Variants in TRABD2B observed in about 807,000 individuals in gnomAD.
The protein encoded by TRABD2B is metalloprotease TIKI2.
Under a neutral mutation model 40.1 loss-of-function variants are expected in TRABD2B, and 14 were observed. That is an observed-to-expected ratio of 0.35 (90% CI 0.23 to 0.55). The LOEUF is 0.55. Among genes scored for constraint, TRABD2B ranks in the 20% least tolerant of loss-of-function variants. The probability of loss-of-function intolerance (pLI) is 0.90; values close to 1 mark genes in which losing one functional copy is unlikely to be tolerated. For synonymous variants in TRABD2B, 263 were observed against 277.0 expected (o/e 0.95, Z 0.50); for missense variants, 541 against 648.6 (o/e 0.83, Z 1.80).
intron 2 of TRABD2B, among the ~76,000 whole-genome samples, chr1:47,993,512 AGC>A (rs1646043208): frequency 6.6e-6 from 1 of 152,126 alleles, no homozygotes; most frequent in African/African-American, 2.4e-5. Flanking sequence ...CTTTGCACAG[AGC>A]CGGGAAACTG....
intron 2 of TRABD2B, among the ~76,000 whole-genome samples, chr1:47,911,082 C>T (rs367791964): frequency 1.3e-5 from 2 of 152,174 alleles, no homozygotes; most frequent in Non-Finnish European, 2.9e-5. Context: ...TGGAGCAGAG[C>T]GCCAGCCCCA....
chr1:47,957,377 G>A (rs1645439951), intron 2 of TRABD2B, among the ~76,000 whole-genome samples: 1 of 152,224 alleles, frequency 6.6e-6, no homozygotes, highest in South Asian at 2.1e-4. Context: ...CGAGTTGAGA[G>A]AAGAAGGTGT....
intron 2 of TRABD2B, among the ~76,000 whole-genome samples, chr1:47,890,525 GGTGACCAGGCA>G (rs1483541894): frequency 6.6e-6 from 1 of 152,098 alleles, no homozygotes; most frequent in Non-Finnish European, 1.5e-5. Context: ...TGTTCTACAG[GGTGACCAGGCA>G]GTGAAAGAGC....
chr1:47,900,494 G>C (rs915760187), intron 2 of TRABD2B, among the ~76,000 whole-genome samples: 1 of 152,156 alleles, frequency 6.6e-6, no homozygotes, highest in Admixed American at 6.5e-5. Flanking sequence ...ACACTGAAGA[G>C]TTTCAGTCAT....
chr1:47,890,500 C>A (rs1304597373), intron 2 of TRABD2B, among the ~76,000 whole-genome samples: 1 of 152,168 alleles, frequency 6.6e-6, no homozygotes, highest in Non-Finnish European at 1.5e-5. Flanking sequence ...GATGCTGCAA[C>A]TTCCTGGGCA....
At chr1:47,862,397 A>G (rs980713388) in intron 2 of TRABD2B, among the ~76,000 whole-genome samples, 2 of 152,342 alleles carry the variant, frequency 1.3e-5, no homozygotes, top group African/African-American at 4.8e-5. Context: ...TTTGCAGGAT[A>G]CAAGATTAAT....
Position 47,801,524 on chromosome 1 carries a change from GT to G in TRABD2B, c.761del (p.His254ProfsTer33). 6.5e-7 allele frequency: 1 copy of G among 1,536,134 alleles called. No homozygotes were observed. The highest frequency in any genetic ancestry group is 1.2e-5 in the South Asian group (1 of 84,066). On this transcript the variant is annotated frameshift_variant, in exon 3 of 7. Coordinates refer to ENST00000606738, the MANE Select transcript of TRABD2B (RefSeq NM_001194986.2). LOFTEE classifies it high-confidence loss of function. Reference protein sequence around the residue: ...ASYTTEDLIKHYNCGDLSAVI... With the variant: ...ASYTTEDLIKXYNCGDLSAVI... ...CTGCGCTGAGGTCTCCGCAGTTGTA[GT>G]GCTTGATGAGGTCCTCCGTGGTGTA...
At chr1:47,864,703 C>A (rs1644029648) in intron 2 of TRABD2B, among the ~76,000 whole-genome samples, 1 of 152,124 alleles carries the variant, frequency 6.6e-6, no homozygotes, top group South Asian at 2.1e-4. Flanking sequence ...TCCAAATCCA[C>A]ATGGCTGCCT....
At chr1:47,853,216 A>C (rs1329986547) in intron 2 of TRABD2B, among the ~76,000 whole-genome samples, 1 of 152,164 alleles carries the variant, frequency 6.6e-6, no homozygotes, top group Admixed American at 6.5e-5. Context: ...GAGCAAACAC[A>C]TATCCCTGGG....
chr1:47,927,942 A>G (rs1222045732), intron 2 of TRABD2B, among the ~76,000 whole-genome samples: 6 of 152,248 alleles, frequency 3.9e-5, no homozygotes, highest in Admixed American at 2.6e-4. Flanking sequence ...CTTCGTATTC[A>G]AAGTGCAGTC....
chr1:47,953,227 A>C (rs1645371678), intron 2 of TRABD2B, among the ~76,000 whole-genome samples: 1 of 152,198 alleles, frequency 6.6e-6, no homozygotes, highest in Non-Finnish European at 1.5e-5. Context: ...TGATGCACAG[A>C]GGGGTGTGGG....
chr1:47,975,252 G>C (rs1645739620), intron 2 of TRABD2B, among the ~76,000 whole-genome samples: 1 of 152,204 alleles, frequency 6.6e-6, no homozygotes, highest in Non-Finnish European at 1.5e-5. Flanking sequence ...GGAGCTCTCT[G>C]TACTATCTTC....
chr1:47,824,040 G>A (rs1267346634), intron 2 of TRABD2B, among the ~76,000 whole-genome samples: 2 of 152,130 alleles, frequency 1.3e-5, no homozygotes, highest in Non-Finnish European at 2.9e-5. Flanking sequence ...AGGCCTGATC[G>A]CTGTCACTGG....
At chr1:47,775,035 G>A (rs1044270087) in intron 6 of TRABD2B, 135 bp downstream of exon 6, 1 of 844,686 alleles carries the variant, frequency 1.2e-6, no homozygotes, top group Non-Finnish European at 1.6e-6. Flanking sequence ...GGAACGTGCT[G>A]TAGAAAGCCA....
intron 2 of TRABD2B, among the ~76,000 whole-genome samples, chr1:47,976,717 G>A (rs1443283856): frequency 6.6e-6 from 1 of 152,186 alleles, no homozygotes; most frequent in Admixed American, 6.5e-5. Flanking sequence ...AGATAGGGAT[G>A]GAATTCTTTT....
chr1:47,775,526 T>C (rs931613697), intron 5 of TRABD2B, 87 bp from the exon 6 acceptor site: 15 of 1,208,638 alleles, frequency 1.2e-5, no homozygotes, highest in Non-Finnish European at 1.6e-5. Context: ...CAGTGGGAGT[T>C]TGTCATGGCA....
chr1:47,852,141 G>A (rs928677744), intron 2 of TRABD2B, among the ~76,000 whole-genome samples: 4 of 152,182 alleles, frequency 2.6e-5, no homozygotes, highest in Admixed American at 6.5e-5. Context: ...ACCAGCCACC[G>A]CCATGGGCCC....
intron 2 of TRABD2B, among the ~76,000 whole-genome samples, chr1:47,899,425 T>G (rs944768585): frequency 6.6e-5 from 10 of 152,296 alleles, no homozygotes; most frequent in African/African-American, 2.4e-4. Context: ...TTCTGGTGCT[T>G]TGGTCCCCTG....
chr1:47,910,573 G>A (rs778405646), intron 2 of TRABD2B, among the ~76,000 whole-genome samples: 11 of 152,268 alleles, frequency 7.2e-5, no homozygotes, highest in Non-Finnish European at 1.2e-4. Context: ...GCAGTGGACC[G>A]GCACTGGGTA....
Sources: gnomAD v4.1 joint callset for allele counts (sites outside exome capture counted in the v4.1 genomes callset) on GRCh38, gnomAD v4.1.1 for gene constraint, MANE v1.5 for transcripts, NCBI Gene and HGNC (gene_info 2026-07-23, HGNC 2026-07-21) for gene names.